The following CDH18 variants were observed in gnomAD, a reference collection of about 807,000 sequenced individuals.
CDH18 encodes the protein cadherin-18.
Under a neutral mutation model 67.9 loss-of-function variants are expected in CDH18, and 31 were observed. That is an observed-to-expected ratio of 0.46 (90% CI 0.34 to 0.62). The LOEUF (loss-of-function observed/expected upper bound fraction) is 0.62, where lower values mean the gene tolerates loss of function less well. Among genes scored for constraint, CDH18 ranks in the 20% least tolerant of loss-of-function variants. The probability of loss-of-function intolerance (pLI) is 0.01; values close to 1 mark genes in which losing one functional copy is unlikely to be tolerated. For synonymous variants in CDH18, 362 were observed against 347.2 expected (o/e 1.04, Z -0.48); for missense variants, 890 against 975.5 (o/e 0.91, Z 1.17).
Position 19,744,444 on chromosome 5 carries a change from T to C in CDH18, c.523+2498A>G, listed in dbSNP as rs115012344. Among the ~76,000 whole-genome samples, 548 of 152,042 alleles carry C rather than the reference T, an allele frequency of 3.6e-3. 1 individual carries two copies. Among genetic ancestry groups the C allele is most frequent in the African/African-American group, 0.012 (493 of 41,444 alleles). On this transcript the variant is annotated intron_variant, in intron 4 of 12. Coordinates refer to ENST00000382275, the MANE Select transcript of CDH18 (RefSeq NM_004934.5). ...TACTTTATGCCTTATGATTCTCACA[T>C]AGATTATGTGGCATCCTTTTACAAT...
At chr5:19,606,459 C>A (rs772602161) in intron 6 of CDH18, among the ~76,000 whole-genome samples, 1 of 152,114 alleles carries the variant, frequency 6.6e-6, no homozygotes, top group South Asian at 2.1e-4. Context: ...GGAATTTCAA[C>A]AGATACCAAT....
chr5:20,070,205 T>C (rs1743353624), intron 2 of CDH18, among the ~76,000 whole-genome samples: 1 of 152,224 alleles, frequency 6.6e-6, no homozygotes, highest in African/African-American at 2.4e-5. Context: ...GATTCCTTTA[T>C]GTCTTTTTAT....
intron 1 of CDH18, among the ~76,000 whole-genome samples, chr5:20,436,294 C>T (rs1285274172): frequency 1.3e-5 from 2 of 151,846 alleles, no homozygotes; most frequent in Non-Finnish European, 2.9e-5. Context: ...TCCGGCTTGC[C>T]TTCCCTTCCT....
intron 2 of CDH18, among the ~76,000 whole-genome samples, chr5:19,977,153 AT>A (rs912325494): frequency 3.9e-5 from 6 of 152,212 alleles, no homozygotes; most frequent in Non-Finnish European, 7.3e-5. Flanking sequence ...GAACAAAAAA[AT>A]AATTCAGGAA....
rs184658098 is a variant in CDH18, at chr5:19,606,143, G to A, written c.811+6291C>T. On this transcript the variant is annotated intron_variant, in intron 6 of 12. Coordinates refer to ENST00000382275, the MANE Select transcript of CDH18 (RefSeq NM_004934.5). ...GAGCTACTTCCCGGAAGTAAGGAGA[G>A]CAATAAAATAAGCTAGTGCTAACAG... is the stretch of plus-strand genomic sequence containing the variant. 2.0e-3 allele frequency among the ~76,000 whole-genome samples: 299 copies of A among 151,482 alleles called. 1 individual carries two copies. The highest frequency in any genetic ancestry group is 4.8e-3 in the Admixed American group (73 of 15,228).
chr5:19,652,297 G>A (rs1011730802), intron 5 of CDH18, among the ~76,000 whole-genome samples: 8 of 151,976 alleles, frequency 5.3e-5, no homozygotes, highest in Non-Finnish European at 1.0e-4. Flanking sequence ...AGAGAAATTA[G>A]CAAGAGGATA....
intron 3 of CDH18, among the ~76,000 whole-genome samples, chr5:19,782,063 A>G (rs756474719): frequency 2.6e-5 from 4 of 152,166 alleles, no homozygotes; most frequent in Non-Finnish European, 5.9e-5. Flanking sequence ...CAAAAATAAA[A>G]AAAAGCAAAC....
intron 2 of CDH18, among the ~76,000 whole-genome samples, chr5:19,862,918 G>A (rs1218060730): frequency 6.6e-6 from 1 of 151,996 alleles, no homozygotes; most frequent in African/African-American, 2.4e-5. Flanking sequence ...TGCCAGGCCA[G>A]CCCTGGCAAG....
chr5:20,523,966 T>C (rs1041422265), intron 1 of CDH18, among the ~76,000 whole-genome samples: 3 of 152,242 alleles, frequency 2.0e-5, no homozygotes, highest in Non-Finnish European at 1.5e-5. Flanking sequence ...TGTGTGTGTA[T>C]GCACAGACTA....
At chr5:20,056,473 C>CTTTTTTTTT (rs1561754004) in intron 2 of CDH18, among the ~76,000 whole-genome samples, 10 of 13,558 alleles carry the variant, frequency 7.4e-4, no homozygotes, top group Non-Finnish European at 1.1e-3. Flanking sequence ...TATTTTCTTT[C>CTTTTTTTTT]TTTTGTTTTT....
intron 3 of CDH18, among the ~76,000 whole-genome samples, chr5:19,806,290 T>C (rs916310032): frequency 1.3e-5 from 2 of 152,222 alleles, no homozygotes; most frequent in Non-Finnish European, 1.5e-5. Flanking sequence ...CTATCAGCAC[T>C]GTGATACAAT....
intron 1 of CDH18, among the ~76,000 whole-genome samples, chr5:20,301,713 G>C (rs1735922709): frequency 6.6e-6 from 1 of 151,132 alleles, no homozygotes; most frequent in African/African-American, 2.4e-5. Context: ...AACTTGTTTT[G>C]AACTCTACTA....
intron 3 of CDH18, among the ~76,000 whole-genome samples, chr5:19,802,053 T>TA (rs928635204): frequency 4.6e-5 from 7 of 152,016 alleles, no homozygotes; most frequent in East Asian, 1.9e-4. Context: ...CATTAAAAAG[T>TA]AAAAAAAATT....
chr5:20,521,961 A>G (rs1485233030), intron 1 of CDH18, among the ~76,000 whole-genome samples: 1 of 152,220 alleles, frequency 6.6e-6, no homozygotes, highest in African/African-American at 2.4e-5. Flanking sequence ...AGGATGTATT[A>G]TGGGGTACCT....
At chr5:19,524,881 G>A (rs1262636277) in intron 9 of CDH18, among the ~76,000 whole-genome samples, 1 of 152,124 alleles carries the variant, frequency 6.6e-6, no homozygotes, top group Non-Finnish European at 1.5e-5. Context: ...GAGTAGCTGG[G>A]ACTACAGGCG....
rs892704965 is a variant in CDH18 at position 20,138,322 on chromosome 5, A to G, written c.-518+117122T>C. Among the ~76,000 whole-genome samples, 4 of 152,162 alleles carry G rather than the reference A, an allele frequency of 2.6e-5. No individual in the cohort carries two copies. The East Asian group carries it at 7.7e-4, about 29-fold the overall frequency. On this transcript the variant is annotated intron_variant, in intron 2 of 14. Transcript: ENST00000507958. ...TATTGATGGGATGTATCTCAAAATA[A>G]TAAGAGCTGTTTATGACATACCCAC...
intron 3 of CDH18, among the ~76,000 whole-genome samples, chr5:19,824,769 C>G (rs930057490): frequency 3.3e-5 from 5 of 151,938 alleles, no homozygotes; most frequent in African/African-American, 1.2e-4. Context: ...TTGGAAAACA[C>G]CCAGATGACA....
intron 1 of CDH18, among the ~76,000 whole-genome samples, chr5:20,292,789 C>G (rs942698449): frequency 7.9e-5 from 12 of 152,196 alleles, no homozygotes; most frequent in Non-Finnish European, 2.9e-5. Flanking sequence ...TCCTATATGT[C>G]TTCATATCAT....
intron 1 of CDH18, among the ~76,000 whole-genome samples, chr5:20,537,531 A>C (rs1370494561): frequency 6.6e-6 from 1 of 152,082 alleles, no homozygotes; most frequent in Non-Finnish European, 1.5e-5. Flanking sequence ...CTATTAATTA[A>C]TTTTTTTAAA....
Sources: gnomAD v4.1 joint callset for allele counts (sites outside exome capture counted in the v4.1 genomes callset) on GRCh38, gnomAD v4.1.1 for gene constraint, MANE v1.5 for transcripts, NCBI Gene and HGNC (gene_info 2026-07-23, HGNC 2026-07-21) for gene names.